KCNH5: variants seen among roughly 807,000 people sequenced by gnomAD.
KCNH5 encodes voltage-gated delayed rectifier potassium channel KCNH5.
Under a neutral mutation model 96.1 loss-of-function variants are expected in KCNH5, and 46 were observed. The ratio of observed to expected loss-of-function variants is 0.48; its 90% CI spans 0.38 to 0.61. The LOEUF (loss-of-function observed/expected upper bound fraction) is 0.61, where lower values mean the gene tolerates loss of function less well. Ranked by LOEUF, KCNH5 falls within the 20% of genes least tolerant of loss-of-function variation. The pLI is 0.00. For missense variants in KCNH5, 907 were observed against 1,225.8 expected, an observed-to-expected ratio of 0.74 and a Z score of 3.88; for synonymous variants, 439 against 449.8, an observed-to-expected ratio of 0.98 and a Z score of 0.30.
intron 7 of KCNH5, among the ~76,000 whole-genome samples, chr14:62,948,740 C>T (rs1889942163): frequency 6.6e-6 from 1 of 150,594 alleles, no homozygotes; most frequent in Admixed American, 6.6e-5. Context: ...CCTTGATGAA[C>T]ATTGATGCAA....
intron 7 of KCNH5, among the ~76,000 whole-genome samples, chr14:62,878,522 C>T (rs1036727294): frequency 1.6e-4 from 24 of 151,950 alleles, no homozygotes; most frequent in African/African-American, 4.8e-4. Context: ...ACAAAAAATT[C>T]ACACCACAGT....
chr14:62,979,311 G>A (rs1890561741), intron 6 of KCNH5, among the ~76,000 whole-genome samples: 1 of 151,690 alleles, frequency 6.6e-6, no homozygotes, highest in South Asian at 2.1e-4. Context: ...ATCTTTAAAA[G>A]CTTGATGTAG....
At chr14:62,872,322 T>C (rs1248558959) in intron 7 of KCNH5, among the ~76,000 whole-genome samples, 3 of 152,228 alleles carry the variant, frequency 2.0e-5, no homozygotes, top group Non-Finnish European at 4.4e-5. Flanking sequence ...TAAAGATGGT[T>C]CTGGCAAATG....
intron 10 of KCNH5, among the ~76,000 whole-genome samples, chr14:62,768,386 G>T (rs975286852): frequency 6.6e-6 from 1 of 152,000 alleles, no homozygotes; most frequent in Non-Finnish European, 1.5e-5. Context: ...TTCAAAAGGA[G>T]TATTTTCCTT....
chr14:63,026,779 T>C (rs1004113697), intron 1 of KCNH5, among the ~76,000 whole-genome samples: 1 of 152,068 alleles, frequency 6.6e-6, no homozygotes, highest in African/African-American at 2.4e-5. Context: ...ACAACCATTA[T>C]AGAAAACAGT....
At chr14:62,976,014 G>C (rs1367835212) in intron 6 of KCNH5, among the ~76,000 whole-genome samples, 1 of 151,434 alleles carries the variant, frequency 6.6e-6, no homozygotes, top group East Asian at 1.9e-4. Context: ...GCATTATTAG[G>C]GACAAAGAGA....
intron 3 of KCNH5, among the ~76,000 whole-genome samples, chr14:63,002,747 T>G (rs1415828600): frequency 6.6e-6 from 1 of 152,106 alleles, no homozygotes; most frequent in East Asian, 1.9e-4. Context: ...AGAAAGGAGA[T>G]TTCTATGGGA....
chr14:62,980,492 A>G (rs1890585344), intron 6 of KCNH5, among the ~76,000 whole-genome samples: 1 of 152,230 alleles, frequency 6.6e-6, no homozygotes, highest in Non-Finnish European at 1.5e-5. Flanking sequence ...AGGTTGTTAT[A>G]AAAGTAAATG....
intron 1 of KCNH5, among the ~76,000 whole-genome samples, chr14:63,025,513 A>T (rs780367273): frequency 5.9e-5 from 9 of 152,102 alleles, no homozygotes; most frequent in Non-Finnish European, 5.9e-5. Flanking sequence ...ACTAATAAAC[A>T]AGTTCAGTAA....
chr14:62,853,631 C>G (rs1042208332), intron 7 of KCNH5, among the ~76,000 whole-genome samples: 1 of 151,518 alleles, frequency 6.6e-6, no homozygotes, highest in Admixed American at 6.6e-5. Flanking sequence ...TTCTTCAGAG[C>G]CCCTTTACTA....
chr14:63,017,054 CA>C (rs1166056104), intron 1 of KCNH5, 100 bp from the exon 2 acceptor site: 6 of 1,142,382 alleles, frequency 5.3e-6, no homozygotes, highest in African/African-American at 1.6e-5. Flanking sequence ...TGGACACATA[CA>C]ACTATGGTTT....
intron 5 of KCNH5, 141 bp downstream of exon 5, chr14:62,986,931 C>A: frequency 3.2e-6 from 2 of 629,288 alleles, no homozygotes; most frequent in East Asian, 2.8e-5. Context: ...TTTGGGATTT[C>A]TATATTTCTA....
intron 7 of KCNH5, among the ~76,000 whole-genome samples, chr14:62,891,372 A>G (rs751107879): frequency 5.9e-5 from 9 of 152,192 alleles, no homozygotes; most frequent in Non-Finnish European, 1.2e-4. Flanking sequence ...TTATGAACAC[A>G]AAGAAGGAAA....
chr14:62,890,698 CAAAAAAAA>C (rs1277209731), intron 7 of KCNH5, among the ~76,000 whole-genome samples: 6 of 55,908 alleles, frequency 1.1e-4, no homozygotes, highest in Non-Finnish European at 1.8e-4. Flanking sequence ...GACTCCGTCT[CAAAAAAAA>C]AAAAAAAAAA....
At chr14:62,905,010 G>T (rs1888999512) in intron 7 of KCNH5, among the ~76,000 whole-genome samples, 2 of 152,150 alleles carry the variant, frequency 1.3e-5, no homozygotes, top group African/African-American at 4.8e-5. Context: ...TTGCATTTTT[G>T]AGTATCAGTG....
At chr14:62,946,718 C>G (rs531773575) in intron 7 of KCNH5, among the ~76,000 whole-genome samples, 1 of 152,034 alleles carries the variant, frequency 6.6e-6, no homozygotes, top group Non-Finnish European at 1.5e-5. Flanking sequence ...TACATCCTAA[C>G]CATGAACTAC....
At position 62,955,557 on chromosome 14, in the gene KCNH5, G is replaced by A. The variant is rs370994118; in HGVS notation, c.943-4998C>T. 5.9e-5 allele frequency among the ~76,000 whole-genome samples: 9 copies of A among 152,192 alleles called. No homozygotes were observed. In the East Asian group the frequency reaches 7.7e-4, roughly 13 times the overall value. The stretch of plus-strand genomic sequence containing the variant: ...AGGAAGCCAGATTCACATTCAGGCA[G>A]TCTGTCTCCAGAATTTTCCTTCGTT... On this transcript the variant is annotated intron_variant, in intron 6 of 10. Transcript: ENST00000322893.
chr14:62,947,738 A>C (rs944104031), intron 7 of KCNH5, among the ~76,000 whole-genome samples: 12 of 145,880 alleles, frequency 8.2e-5, no homozygotes, highest in Admixed American at 2.0e-4. Context: ...CACACACACA[A>C]AAACCGATGA....
At chr14:62,811,165 T>C (rs74609720) in intron 8 of KCNH5, among the ~76,000 whole-genome samples, 5,981 of 152,240 alleles carry the variant, frequency 0.039, 227 homozygotes, top group African/African-American at 0.1. Context: ...AGAGGTATCT[T>C]AGCAAATATT....
Sources: allele counts gnomAD v4.1 joint callset (sites outside exome capture counted in the v4.1 genomes callset), GRCh38; gene constraint gnomAD v4.1.1; transcripts MANE v1.5; gene names NCBI Gene and HGNC (gene_info 2026-07-23, HGNC 2026-07-21).